The following ZNF37A variants were observed in gnomAD, a reference collection of about 807,000 sequenced individuals.
ZNF37A encodes the protein zinc finger protein 37A.
In ZNF37A, 10 loss-of-function variants were observed where a neutral mutation model predicts 12.3. The observed-to-expected ratio is 0.82, with a 90% confidence interval of 0.50 to 1.38. The LOEUF is 1.38. Among genes scored for constraint, ZNF37A ranks in the 40% most tolerant of loss-of-function variants. ZNF37A has a pLI of 0.00. For synonymous variants in ZNF37A, 207 were observed against 223.0 expected (o/e 0.93, Z 0.64); for missense variants, 580 against 651.2 (o/e 0.89, Z 1.19).
At chr10:38,131,805 C>T (rs571905304) in intron 7 of ZNF37A, among the ~76,000 whole-genome samples, 2 of 152,246 alleles carry the variant, frequency 1.3e-5, no homozygotes, top group South Asian at 4.1e-4. Flanking sequence ...TCTTTAATTT[C>T]TTTCAGCAGC....
At chr10:38,137,165 T>G (rs2070118173) in intron 7 of ZNF37A, among the ~76,000 whole-genome samples, 1 of 152,222 alleles carries the variant, frequency 6.6e-6, no homozygotes. Context: ...ATTTGGCTCC[T>G]TTAAGTGGAT....
chr10:38,112,743 TTC>T (rs2068844653), intron 5 of ZNF37A, among the ~76,000 whole-genome samples: 1 of 70,540 alleles, frequency 1.4e-5, no homozygotes, highest in Non-Finnish European at 2.9e-5. Context: ...TTCTTTTCTT[TTC>T]TTTTCTTTTC....
chr10:38,096,505 G>A, intron 4 of ZNF37A, 69 bp from the exon 5 acceptor site: 2 of 1,058,578 alleles, frequency 1.9e-6, no homozygotes, highest in Non-Finnish European at 2.8e-6. Flanking sequence ...TTTCAGAGAT[G>A]TTTTGCCGGC....
intron 5 of ZNF37A, among the ~76,000 whole-genome samples, chr10:38,100,886 A>G (rs1474472427): frequency 6.6e-6 from 1 of 152,150 alleles, no homozygotes; most frequent in Non-Finnish European, 1.5e-5. Context: ...AAGAAATTAT[A>G]AAAGTATTAA....
intron 7 of ZNF37A, among the ~76,000 whole-genome samples, chr10:38,130,952 C>A (rs1590941364): frequency 1.3e-5 from 2 of 152,256 alleles, no homozygotes; most frequent in East Asian, 3.9e-4. Flanking sequence ...CTAATGACTA[C>A]TGATGTTAAG....
At chr10:38,112,366 C>G (rs1564931224) in intron 5 of ZNF37A, among the ~76,000 whole-genome samples, 1 of 152,040 alleles carries the variant, frequency 6.6e-6, no homozygotes, top group Non-Finnish European at 1.5e-5. Context: ...TTTCTGAATT[C>G]CCTAACCCAT....
At chr10:38,112,738 T>TCTTGGTCTTGGTCTCGGTCTCGG in intron 5 of ZNF37A, among the ~76,000 whole-genome samples, 1 of 58,910 alleles carries the variant, frequency 1.7e-5, no homozygotes, top group Non-Finnish European at 3.6e-5. Flanking sequence ...CCATTTTCTT[T>TCTTGGTCTTGGTCTCGGTCTCGG]TCTTTTCTTT....
chr10:38,141,703 G>A (rs944033091), intron 7 of ZNF37A: 3 of 152,186 alleles, frequency 2.0e-5, no homozygotes, highest in African/African-American at 7.2e-5. Context: ...ATAGTTACAT[G>A]AGATGTTAAC....
chr10:38,102,791 C>T (rs1198738119), intron 5 of ZNF37A, among the ~76,000 whole-genome samples: 1 of 152,030 alleles, frequency 6.6e-6, no homozygotes, highest in Non-Finnish European at 1.5e-5. Flanking sequence ...TTTTAATTTC[C>T]CCTTCCTTTT....
exon 8 of ZNF37A, chr10:38,147,934 T>C (rs1277701859): frequency 3.9e-5 from 6 of 152,202 alleles, no homozygotes; most frequent in Non-Finnish European, 1.5e-5. Context: ...ATGTGGAAAA[T>C]TGATTTCGAT....
rs749817085 is a variant in ZNF37A at position 38,096,601 on chromosome 10, T to C, written c.-17T>C. 14 of 1,612,404 alleles carry C rather than the reference T, an allele frequency of 8.7e-6. No homozygotes were observed. The highest frequency in any genetic ancestry group is 1.2e-5 in the Non-Finnish European group (14 of 1,179,408). ...ACACCCTCACAGTTTGCTCTGCTCT[T>C]CCAACACCAGTGGAAGATGATCACA... On this transcript the variant is annotated 5_prime_UTR_variant, in exon 5 of 8. Transcript: ENST00000685332.
At chr10:38,100,834 T>C (rs147787158) in intron 5 of ZNF37A, among the ~76,000 whole-genome samples, 1,957 of 152,268 alleles carry the variant, frequency 0.013, 45 homozygotes, top group African/African-American at 0.045. Flanking sequence ...GTCCCTGAAA[T>C]CTTCACAATT....
At chr10:38,103,036 T>A (rs2067721106) in intron 5 of ZNF37A, among the ~76,000 whole-genome samples, 2 of 152,188 alleles carry the variant, frequency 1.3e-5, no homozygotes, top group Admixed American at 6.5e-5. Flanking sequence ...GATGTTATCA[T>A]AATTATAGTT....
chr10:38,118,584 A>G lies in ZNF37A; in HGVS notation c.1433A>G (p.Gln478Arg). 1 of 1,605,914 alleles carries G rather than the reference A, an allele frequency of 6.2e-7. No homozygotes were observed. Among genetic ancestry groups the G allele is most frequent in the Non-Finnish European group, 8.5e-7 (1 of 1,174,878 alleles). Residue 478 changes from glutamine (Q) to arginine (R), a missense_variant, in exon 8 of 8, where the codon CAG becomes CGG. Physicochemically the swap from Gln to Arg is conservative, Grantham distance 43. Transcript: ENST00000685332. ...AATGAATGTGGGAAAACCTTCCGTC[A>G]GAAGTCAGCCCTAATTGTTCACCAG... ...GCNECGKTFRQKSALIVHQRT... is the reference protein window; with the variant it reads ...GCNECGKTFRRKSALIVHQRT...
downstream of ZNF37A, among the ~76,000 whole-genome samples, chr10:38,126,561 C>T (rs1469583167): frequency 6.6e-6 from 1 of 152,204 alleles, no homozygotes; most frequent in Non-Finnish European, 1.5e-5. Flanking sequence ...ATTTGTTCTA[C>T]TTGATCCTCT....
chr10:38,130,165 CA>C (rs1424946029), downstream of ZNF37A, among the ~76,000 whole-genome samples: 1 of 152,170 alleles, frequency 6.6e-6, no homozygotes, highest in Non-Finnish European at 1.5e-5. Flanking sequence ...TTTCTCTAAG[CA>C]TAACATTTTC....
Position 38,143,843 on chromosome 10 carries a change from C to A in ZNF37A, c.239-2889C>A, listed in dbSNP as rs72793776. On this transcript the variant is annotated intron_variant, in intron 7 of 7. Transcript: ENST00000638053. The stretch of plus-strand genomic sequence containing the variant: ...TGAGTCACCCCTTGCAGCAAGAAGT[C>A]CACAAACAGGACTTTTTCCTGGCAA... The A allele has an allele frequency of 8.2e-3, 1,249 of 152,344 alleles. 15 individuals are homozygous for A. The highest frequency in any genetic ancestry group is 8.8e-3 in the Non-Finnish European group (599 of 68,076). The allele number at this position is 152,344 out of a possible 1,614,324, so 9.4% of individuals were successfully genotyped here. A position where few individuals can be genotyped will look rare whatever the true frequency, so the allele number is the denominator to read the frequency against.
chr10:38,142,053 T>G (rs2070191245), intron 7 of ZNF37A: 1 of 152,194 alleles, frequency 6.6e-6, no homozygotes, highest in Non-Finnish European at 1.5e-5. Flanking sequence ...GAGGTTGCAG[T>G]GAGCTGAGGT....
chr10:38,112,502 G>A (rs531502602), intron 5 of ZNF37A, among the ~76,000 whole-genome samples: 8 of 150,834 alleles, frequency 5.3e-5, no homozygotes, highest in East Asian at 1.9e-4. Context: ...AGACATAAAC[G>A]GGCTATAATG....
Sources: gnomAD v4.1 joint callset for allele counts (sites outside exome capture counted in the v4.1 genomes callset) on GRCh38, gnomAD v4.1.1 for gene constraint, MANE v1.5 for transcripts, NCBI Gene and HGNC (gene_info 2026-07-23, HGNC 2026-07-21) for gene names.